The following CYP4F22 variants were observed in gnomAD, a reference collection of about 807,000 sequenced individuals.
CYP4F22 encodes the protein cytochrome P450 family 4 subfamily F member 22.
A neutral mutation model predicts 60.4 loss-of-function variants in CYP4F22; 37 were observed. The ratio of observed to expected loss-of-function variants is 0.61; its 90% confidence interval spans 0.47 to 0.81. CYP4F22 has a LOEUF of 0.81. Ranked by LOEUF, CYP4F22 falls within the 30% of genes least tolerant of loss-of-function variation. The probability of loss-of-function intolerance (pLI) is 0.00; values close to 1 mark genes in which losing one functional copy is unlikely to be tolerated. For missense variants in CYP4F22, 655 were observed against 715.0 expected, an observed-to-expected ratio of 0.92 and a Z score of 0.96; for synonymous variants, 258 against 280.5, an observed-to-expected ratio of 0.92 and a Z score of 0.80.
At chr19:15,509,673 A>G (rs1259334787) in intron 1 of CYP4F22, among the ~76,000 whole-genome samples, 1 of 152,130 alleles carries the variant, frequency 6.6e-6, no homozygotes, top group East Asian at 1.9e-4. Context: ...TTGAAAAAAC[A>G]AGCCCTGTTT....
chr19:15,535,696 T>TATCAATCTGCTATTC (rs1971387755), intron 4 of CYP4F22, among the ~76,000 whole-genome samples: 1 of 151,978 alleles, frequency 6.6e-6, no homozygotes, highest in Non-Finnish European at 1.5e-5. Context: ...ACCCACCATC[T>TATCAATCTGCTATTC]ATCCATCTGC....
Position 15,537,735 on chromosome 19 carries a change from G to T in CYP4F22, c.549+73G>T. On this transcript the variant is annotated intron_variant, in intron 6 of 13. Transcript: ENST00000269703. ...GGTCCAGGCTCCAACTCATGCATGGGCAAGCCATGTGATGTCAGGAGCCCT... is the reference window on the plus strand; with the variant it reads ...GGTCCAGGCTCCAACTCATGCATGGTCAAGCCATGTGATGTCAGGAGCCCT... 1.9e-6 allele frequency: 3 copies of T among 1,606,854 alleles called. No homozygotes were observed. In the Admixed American group the frequency reaches 5.0e-5, roughly 27 times the overall value.
At chr19:15,525,907 G>A (rs1355517125) in intron 3 of CYP4F22, among the ~76,000 whole-genome samples, 1 of 152,082 alleles carries the variant, frequency 6.6e-6, no homozygotes, top group Admixed American at 6.6e-5. Flanking sequence ...CACACTTGTA[G>A]TCTCAGCCAC....
chr19:15,519,396 G>A (rs1971194983), intron 1 of CYP4F22, among the ~76,000 whole-genome samples: 1 of 151,976 alleles, frequency 6.6e-6, no homozygotes, highest in Admixed American at 6.6e-5. Context: ...CCGAGTAGCT[G>A]GGACTACAGG....
chr19:15,547,993 GA>G lies in CYP4F22; in HGVS notation c.1137-114del, dbSNP rs1971547864. On this transcript the variant is annotated intron_variant, in intron 10 of 13. Coordinates refer to ENST00000269703, the MANE Select transcript of CYP4F22 (RefSeq NM_173483.4). ...TGAGAGAGAGAGAGAGAGAGAGAGA[GA>G]GGGAGAGAGTGTGTGTGTGTGTGTG... The G allele has an allele frequency of 2.0e-4, 29 of 146,074 alleles. 3 individuals carry two copies. The highest frequency in any genetic ancestry group is 6.6e-4 in the South Asian group (4 of 6,048). 9.0% of individuals were successfully genotyped at this position (146,074 alleles called of 1,614,324 possible).
rs770592588 is a variant in CYP4F22, at chr19:15,544,133, C to A, written c.1007-17C>A. 3.7e-5 allele frequency: 59 copies of A among 1,614,054 alleles called. No individual in the cohort carries two copies. Among genetic ancestry groups the A allele is most frequent in the Middle Eastern group, 1.6e-4 (1 of 6,084 alleles). On this transcript the variant is annotated splice_polypyrimidine_tract_variant and intron_variant, in intron 9 of 13. Coordinates refer to ENST00000269703, the MANE Select transcript of CYP4F22 (RefSeq NM_173483.4). ...TCTTCAGGCAGCCTCCATTCAGATA[C>A]CCTCATCTCCCTGCAGGTCACGACA...
chr19:15,523,227 G>A (rs535604108), intron 1 of CYP4F22, among the ~76,000 whole-genome samples: 9 of 152,176 alleles, frequency 5.9e-5, no homozygotes, highest in African/African-American at 1.9e-4. Context: ...GGATATGGTG[G>A]CAGGTGCCTG....
intron 7 of CYP4F22, among the ~76,000 whole-genome samples, chr19:15,538,373 A>G (rs756729866): frequency 6.6e-6 from 1 of 152,212 alleles, no homozygotes; most frequent in Non-Finnish European, 1.5e-5. Context: ...AAGGATGACA[A>G]TCTCTTACTT....
intron 4 of CYP4F22, among the ~76,000 whole-genome samples, chr19:15,531,911 C>A (rs1971347021): frequency 6.6e-6 from 1 of 152,108 alleles, no homozygotes; most frequent in African/African-American, 2.4e-5. Flanking sequence ...TCAAGACCAG[C>A]CTGGGCAACA....
rs1971495879 is a variant in CYP4F22 at position 15,544,172 on chromosome 19, G to A, written c.1029G>A (p.Gly343=). 6.2e-7 allele frequency: 1 copy of A among 1,614,030 alleles called. No individual in the cohort carries two copies. The highest frequency in any genetic ancestry group is 1.1e-5 in the South Asian group (1 of 91,092). Reference sequence around the variant, plus strand: ...CAGGTCACGACACAACATCCAGTGGGATCTCTTGGATGCTGTTCAATTTGG... The same window carrying A: ...CAGGTCACGACACAACATCCAGTGGAATCTCTTGGATGCTGTTCAATTTGG... ...MFEGHDTTSS[G]ISWMLFNLAK... is the part of the protein sequence containing the mutation. Residue 343 remains glycine, a synonymous_variant, in exon 10 of 14, where the codon GGG becomes GGA. Transcript: ENST00000269703.
chr19:15,518,090 A>C (rs948084476), intron 1 of CYP4F22, among the ~76,000 whole-genome samples: 4 of 152,148 alleles, frequency 2.6e-5, no homozygotes, highest in Admixed American at 6.6e-5. Flanking sequence ...GAATCCCAGC[A>C]CTTTGGAAAG....
chr19:15,522,146 A>AG (rs1258917416), intron 1 of CYP4F22, among the ~76,000 whole-genome samples: 2 of 134,022 alleles, frequency 1.5e-5, no homozygotes, highest in Non-Finnish European at 3.1e-5. Flanking sequence ...ACTTTGTCTC[A>AG]GAAAAAAAAA....
chr19:15,530,476 C>G (rs544793281), intron 4 of CYP4F22, among the ~76,000 whole-genome samples: 19 of 152,192 alleles, frequency 1.2e-4, no homozygotes, highest in Non-Finnish European at 2.1e-4. Context: ...CCAGCTCTAT[C>G]TTCCTCATGA....
chr19:15,511,335 T>C (rs898937760), intron 1 of CYP4F22, among the ~76,000 whole-genome samples: 3 of 151,736 alleles, frequency 2.0e-5, no homozygotes, highest in African/African-American at 7.3e-5. Context: ...GGCAGGCGCC[T>C]GTAGTCCCAG....
chr19:15,516,903 C>T (rs949053620), intron 1 of CYP4F22: 4 of 213,570 alleles, frequency 1.9e-5, no homozygotes, highest in Non-Finnish European at 3.5e-5. Flanking sequence ...GATCTTGGCT[C>T]ACTGCAACCT....
At chr19:15,536,915 G>C (rs1271901201) in intron 4 of CYP4F22, among the ~76,000 whole-genome samples, 20 of 152,178 alleles carry the variant, frequency 1.3e-4, no homozygotes, top group Admixed American at 1.3e-3. Context: ...TTCTCGGGTA[G>C]GTGTGGAGGA....
chr19:15,514,489 C>T (rs1270509450), intron 1 of CYP4F22, among the ~76,000 whole-genome samples: 1 of 152,132 alleles, frequency 6.6e-6, no homozygotes, highest in Non-Finnish European at 1.5e-5. Context: ...AGTTCAAGAC[C>T]AGCCTGGCCA....
chr19:15,529,798 G>A lies in CYP4F22; in HGVS notation c.312G>A (p.Leu104=). ...TCTTGGTATGGATGGGACCTGTCCT[G>A]CCGCTGTTGGTTCTGGTGCACCCTG... ...HVLLVWMGPV[L]PLLVLVHPDY... Residue 104 remains leucine (L), a synonymous_variant, in exon 4 of 14, where the codon CTG becomes CTA. Coordinates refer to ENST00000269703, the MANE Select transcript of CYP4F22 (RefSeq NM_173483.4). 1 of 1,614,162 alleles carries A rather than the reference G, an allele frequency of 6.2e-7. No individual in the cohort carries two copies. The highest frequency in any genetic ancestry group is 8.5e-7 in the Non-Finnish European group (1 of 1,180,038).
intron 8 of CYP4F22, among the ~76,000 whole-genome samples, chr19:15,542,040 C>T (rs1300743826): frequency 6.6e-6 from 1 of 152,020 alleles, no homozygotes; most frequent in African/African-American, 2.4e-5. Flanking sequence ...ATTGACTCTT[C>T]TTCCCAAGCC....
Sources: gnomAD v4.1 joint callset for allele counts (sites outside exome capture counted in the v4.1 genomes callset) on GRCh38, gnomAD v4.1.1 for gene constraint, MANE v1.5 for transcripts, NCBI Gene and HGNC (gene_info 2026-07-23, HGNC 2026-07-21) for gene names.